RHOJ: variants seen among roughly 807,000 people sequenced by gnomAD.
RHOJ encodes the protein rho-related GTP-binding protein RhoJ.
RHOJ carries 11 observed loss-of-function variants against 23.4 expected under a neutral mutation model. The observed-to-expected ratio is 0.47, with a 90% CI of 0.30 to 0.78. RHOJ has a LOEUF of 0.78. Ranked by LOEUF, RHOJ falls within the 30% of genes least tolerant of loss-of-function variation. RHOJ has a pLI of 0.08. For missense variants in RHOJ, 254 were observed against 273.4 expected (o/e 0.93, Z 0.50); for synonymous variants, 102 against 102.7 (o/e 0.99, Z 0.04).
chr14:63,290,739 AAG>A, intron 4 of RHOJ, 137 bp from the exon 5 acceptor site: 3 of 658,778 alleles, frequency 4.6e-6, no homozygotes, highest in Non-Finnish European at 6.9e-6. Context: ...AAAAAAAAAA[AAG>A]ACAAACATAA....
At chr14:63,241,631 G>C (rs1202342760) in intron 1 of RHOJ, among the ~76,000 whole-genome samples, 2 of 152,166 alleles carry the variant, frequency 1.3e-5, no homozygotes, top group African/African-American at 4.8e-5. Flanking sequence ...AGAGCAGTTA[G>C]TTATGTTGTT....
At chr14:63,275,276 A>C (rs1050490313) in intron 2 of RHOJ, among the ~76,000 whole-genome samples, 17 of 152,192 alleles carry the variant, frequency 1.1e-4, no homozygotes, top group African/African-American at 3.4e-4. Context: ...TGATCAGTGC[A>C]CTACAGTGTG....
At chr14:63,272,992 C>T (rs1895499277) in intron 2 of RHOJ, among the ~76,000 whole-genome samples, 1 of 152,188 alleles carries the variant, frequency 6.6e-6, no homozygotes, top group Non-Finnish European at 1.5e-5. Context: ...CATTGCACTC[C>T]AGCCTAGGCA....
intron 4 of RHOJ, among the ~76,000 whole-genome samples, chr14:63,285,800 A>C (rs1193157755): frequency 6.6e-6 from 1 of 152,178 alleles, no homozygotes; most frequent in Non-Finnish European, 1.5e-5. Flanking sequence ...GCTATGCTGG[A>C]TGCTACACTG....
chr14:63,209,822 T>C (rs1325481603), intron 1 of RHOJ, among the ~76,000 whole-genome samples: 1 of 152,148 alleles, frequency 6.6e-6, no homozygotes, highest in African/African-American at 2.4e-5. Flanking sequence ...CCAATAGATA[T>C]CTGTTTAGGA....
intron 1 of RHOJ, among the ~76,000 whole-genome samples, chr14:63,246,333 A>G (rs1001476631): frequency 1.3e-5 from 2 of 152,202 alleles, no homozygotes; most frequent in Non-Finnish European, 2.9e-5. Context: ...ATAAAAATTA[A>G]AAGTCTAGAG....
intron 1 of RHOJ, among the ~76,000 whole-genome samples, chr14:63,224,014 C>A (rs561497784): frequency 7.9e-5 from 12 of 152,048 alleles, no homozygotes; most frequent in Admixed American, 7.9e-4. Flanking sequence ...GATAACATAG[C>A]GCTCCAGGGG....
At chr14:63,276,214 G>A (rs927850394) in intron 2 of RHOJ, among the ~76,000 whole-genome samples, 5 of 152,154 alleles carry the variant, frequency 3.3e-5, no homozygotes, top group Admixed American at 1.3e-4. Context: ...CTTCGGTGGG[G>A]GGGGGCGGGG....
intron 1 of RHOJ, among the ~76,000 whole-genome samples, chr14:63,216,908 C>T (rs1594751638): frequency 6.6e-6 from 1 of 151,872 alleles, no homozygotes; most frequent in South Asian, 2.1e-4. Context: ...ATTTTCTTTC[C>T]CTCAAGCTGA....
rs80314940 is a variant in RHOJ at position 63,218,655 on chromosome 14, C to A, written c.178+13608C>A. ...AGCCAAACATCCTATTTAGCAACCT[C>A]ACCAACTGCTACAGATCCAATTCCA... On this transcript the variant is annotated intron_variant, in intron 1 of 4. Transcript: ENST00000316754. Among the ~76,000 whole-genome samples the A allele has an allele frequency of 4.3e-3, 661 of 152,298 alleles. 25 individuals carry two copies. In the East Asian group the frequency reaches 0.11, roughly 26 times the overall value.
intron 1 of RHOJ, among the ~76,000 whole-genome samples, chr14:63,225,992 T>A (rs1295700224): frequency 2.0e-5 from 3 of 152,126 alleles, no homozygotes; most frequent in Non-Finnish European, 4.4e-5. Flanking sequence ...ATCAGCCTTT[T>A]CATGTAAAAA....
chr14:63,213,529 A>G (rs1233246994), intron 1 of RHOJ, among the ~76,000 whole-genome samples: 1 of 152,206 alleles, frequency 6.6e-6, no homozygotes, highest in African/African-American at 2.4e-5. Flanking sequence ...TCTTTATCCA[A>G]TCCACCATTG....
chr14:63,268,980 T>C, intron 1 of RHOJ, 130 bp from the exon 2 acceptor site: 1 of 639,218 alleles, frequency 1.6e-6, no homozygotes, highest in Non-Finnish European at 2.8e-6. Flanking sequence ...TGGTTTAGAA[T>C]GTACATGAGC....
intron 1 of RHOJ, among the ~76,000 whole-genome samples, chr14:63,210,801 A>C (rs1040602453): frequency 1.3e-5 from 2 of 152,258 alleles, no homozygotes; most frequent in African/African-American, 4.8e-5. Context: ...GTCGGGGTAC[A>C]TAGGTGTGTA....
chr14:63,234,168 T>C (rs1894746054), intron 1 of RHOJ, among the ~76,000 whole-genome samples: 1 of 152,240 alleles, frequency 6.6e-6, no homozygotes, highest in South Asian at 2.1e-4. Context: ...CCAGATGTTC[T>C]ACTGGGTGAT....
rs549526702 is a variant in RHOJ at position 63,292,878 on chromosome 14, A to G, written c.*1854A>G. On this transcript the variant is annotated 3_prime_UTR_variant, in exon 5 of 5. Coordinates refer to ENST00000316754, the MANE Select transcript of RHOJ (RefSeq NM_020663.5). ...AGGTGGAAGGATCACTTGAGCCCAG[A>G]AGGTAAGGCTGCAGTGAGCTGTGAC... 1 of 152,008 alleles carries G rather than the reference A, an allele frequency of 6.6e-6. No homozygotes were observed. Among genetic ancestry groups the G allele is most frequent in the Non-Finnish European group, 1.5e-5 (1 of 68,034 alleles). 9.4% of individuals were successfully genotyped at this position (152,008 alleles called of 1,614,324 possible).
chr14:63,216,009 T>C (rs1488735803), intron 1 of RHOJ, among the ~76,000 whole-genome samples: 3 of 152,186 alleles, frequency 2.0e-5, no homozygotes, highest in Admixed American at 2.0e-4. Flanking sequence ...TATGTTGAAA[T>C]TATTTTATCC....
intron 1 of RHOJ, among the ~76,000 whole-genome samples, chr14:63,223,051 G>A (rs1202290561): frequency 6.6e-6 from 1 of 152,226 alleles, no homozygotes; most frequent in African/African-American, 2.4e-5. Context: ...ACAAGAAGGA[G>A]TCAGAGCAGA....
chr14:63,206,655 A>G (rs557051350), intron 1 of RHOJ, among the ~76,000 whole-genome samples: 12 of 152,358 alleles, frequency 7.9e-5, no homozygotes, highest in Admixed American at 7.2e-4. Context: ...GTATGGTATC[A>G]GGAAAAAAGA....
Sources: allele counts gnomAD v4.1 joint callset (sites outside exome capture counted in the v4.1 genomes callset), GRCh38; gene constraint gnomAD v4.1.1; transcripts MANE v1.5; gene names NCBI Gene and HGNC (gene_info 2026-07-23, HGNC 2026-07-21).